The following N4BP2L1 variants were observed in gnomAD, a reference collection of about 807,000 sequenced individuals.
N4BP2L1 encodes NEDD4 binding protein 2 like 1, also known as NEDD4-binding protein 2-like 1.
Under a neutral mutation model 21.2 loss-of-function variants are expected in N4BP2L1, and 12 were observed. The ratio of observed to expected loss-of-function variants is 0.57; its 90% CI spans 0.36 to 0.92. The LOEUF is 0.92. Among genes scored for constraint, N4BP2L1 ranks in the 40% least tolerant of loss-of-function variants. N4BP2L1 has a pLI of 0.01. For synonymous variants in N4BP2L1, 104 were observed against 112.8 expected, an observed-to-expected ratio of 0.92 and a Z score of 0.49; for missense variants, 259 against 310.6, an observed-to-expected ratio of 0.83 and a Z score of 1.25.
At chr13:32,420,761 T>G (rs1426606898) in intron 1 of N4BP2L1, among the ~76,000 whole-genome samples, 2 of 152,312 alleles carry the variant, frequency 1.3e-5, no homozygotes, top group African/African-American at 4.8e-5. Flanking sequence ...TGGCGTAATC[T>G]CGGCTCACTG....
chr13:32,404,381 T>C lies in N4BP2L1; in HGVS notation c.413A>G (p.Tyr138Cys). ...GTCAGGTTCTCGGAATATAACTTCATAGTTATTTTCAAGTGCCTGATTTTT... is the reference window on the plus strand; with the variant it reads ...GTCAGGTTCTCGGAATATAACTTCACAGTTATTTTCAAGTGCCTGATTTTT... ...PYAVMALENN[Y>C]EVIFREPDTR... The change falls in exon 4 of 5, where the codon TAT becomes TGT. Residue 138 changes from tyrosine (Y) to cysteine (C), a missense_variant. Transcript: ENST00000380130. 1.9e-6 allele frequency: 3 copies of C among 1,612,104 alleles called. No individual in the cohort carries two copies. The highest frequency in any genetic ancestry group is 2.5e-6 in the Non-Finnish European group (3 of 1,178,992).
chr13:32,404,199 T>C, intron 4 of N4BP2L1, 122 bp downstream of exon 4: 3 of 1,610,928 alleles, frequency 1.9e-6, no homozygotes, highest in Middle Eastern at 1.7e-4. Context: ...TTTCCAAGAA[T>C]TACCATTTCT....
intron 3 of N4BP2L1, 84 bp from the exon 4 acceptor site, chr13:32,404,481 A>G: frequency 1.1e-6 from 1 of 932,024 alleles, no homozygotes; most frequent in South Asian, 1.5e-5. Flanking sequence ...CATTTACTAC[A>G]AATCTTTTCA....
chr13:32,404,329 C>T lies in N4BP2L1; in HGVS notation c.465G>A (p.Glu155=), dbSNP rs2073340566. The change falls in exon 4 of 5, where the codon GAG becomes GAA. Residue 155 remains glutamate, a synonymous_variant. Coordinates refer to ENST00000380130, the MANE Select transcript of N4BP2L1 (RefSeq NM_052818.3). ...PDTRWKFNVQ[E]LARRNIHGVS... ...GAAAAACAAAGAAGTACCTTGCTAA[C>T]TCTTGAACGTTGAATTTCCAGCGAG... is the stretch of plus-strand genomic sequence containing the variant. The T allele has an allele frequency of 6.2e-7, 1 of 1,613,326 alleles. No homozygotes were observed. The highest frequency in any genetic ancestry group is 1.3e-5 in the African/African-American group (1 of 74,894).
intron 1 of N4BP2L1, among the ~76,000 whole-genome samples, chr13:32,423,223 G>T (rs1369528673): frequency 6.6e-6 from 1 of 152,196 alleles, no homozygotes; most frequent in Non-Finnish European, 1.5e-5. Context: ...ATAATGAAAA[G>T]AAATAATGAA....
intron 1 of N4BP2L1, among the ~76,000 whole-genome samples, chr13:32,423,905 G>A (rs2137986871): frequency 1.3e-5 from 2 of 152,322 alleles, no homozygotes; most frequent in Admixed American, 1.3e-4. Flanking sequence ...TACAATGCCA[G>A]TGGATTGTAT....
chr13:32,428,585 G>A (rs2074920210), upstream of N4BP2L1, among the ~76,000 whole-genome samples: 1 of 152,190 alleles, frequency 6.6e-6, no homozygotes, highest in African/African-American at 2.4e-5. Flanking sequence ...TCTGGCTGGC[G>A]TCCCAAGGGC....
chr13:32,419,239 CTTTTTTTTTTT>C (rs34280009), intron 1 of N4BP2L1, among the ~76,000 whole-genome samples: 1 of 61,304 alleles, frequency 1.6e-5, no homozygotes, highest in Non-Finnish European at 2.8e-5. Context: ...CAAGATCTGG[CTTTTTTTTTTT>C]TTTTTTTTTT....
At chr13:32,422,669 A>G (rs1428000954) in intron 1 of N4BP2L1, among the ~76,000 whole-genome samples, 1 of 152,146 alleles carries the variant, frequency 6.6e-6, no homozygotes, top group Non-Finnish European at 1.5e-5. Flanking sequence ...AGCCTCTCCA[A>G]TGAGCAAGAA....
intron 1 of N4BP2L1, among the ~76,000 whole-genome samples, chr13:32,422,260 CTT>C (rs753632083): frequency 3.9e-5 from 6 of 152,208 alleles, no homozygotes; most frequent in Middle Eastern, 6.8e-3. Flanking sequence ...TTATAAGGCT[CTT>C]GTTTTTTCAT....
rs188214742 is a variant in N4BP2L1, at chr13:32,412,381, C to T, written c.180-4609G>A. Among the ~76,000 whole-genome samples, 318 of 113,958 alleles carry T rather than the reference C, an allele frequency of 2.8e-3. 1 individual carries two copies. Among genetic ancestry groups the T allele is most frequent in the African/African-American group, 8.1e-3 (293 of 36,076 alleles). 74.8% of individuals were successfully genotyped at this position (113,958 alleles called of 152,430 possible). On this transcript the variant is annotated intron_variant, in intron 1 of 4. Transcript: ENST00000380130. ...GTGGCTCACATTTGTAATCCCAGCACTTTGGGAGGCCAAGACGGGCGGATC... is the reference window on the plus strand; with the variant it reads ...GTGGCTCACATTTGTAATCCCAGCATTTTGGGAGGCCAAGACGGGCGGATC...
chr13:32,408,080 C>T (rs1017921439), intron 1 of N4BP2L1, among the ~76,000 whole-genome samples: 6 of 152,180 alleles, frequency 3.9e-5, no homozygotes, highest in Admixed American at 1.3e-4. Context: ...GAAGCTAAGT[C>T]GCAGGCCTGG....
chr13:32,403,349 T>C, intron 4 of N4BP2L1, 149 bp from the exon 5 acceptor site: 1 of 823,910 alleles, frequency 1.2e-6, no homozygotes, highest in Non-Finnish European at 1.9e-6. Context: ...GTTCAGCAGT[T>C]CTCTTTCAGC....
chr13:32,414,671 A>ACCTTTGTT (rs2074032177), intron 1 of N4BP2L1, among the ~76,000 whole-genome samples: 1 of 152,214 alleles, frequency 6.6e-6, no homozygotes, highest in African/African-American at 2.4e-5. Context: ...TAAGCAGTGA[A>ACCTTTGTT]CAAAGAGCTT....
chr13:32,409,059 T>C (rs1282787366), intron 1 of N4BP2L1, among the ~76,000 whole-genome samples: 1 of 152,226 alleles, frequency 6.6e-6, no homozygotes, highest in Non-Finnish European at 1.5e-5. Context: ...AGTAAAATGG[T>C]GTTATAATAA....
In N4BP2L1 at chr13:32,404,964, A is replaced by G. The variant is rs536780829; in HGVS notation, c.397-567T>C. On this transcript the variant is annotated intron_variant, in intron 3 of 4. Transcript: ENST00000380130. ...AAACTATTATAATTTCCTTATAAAC[A>G]TCCAAATATTCTTTGCATTCATAAA... Among the ~76,000 whole-genome samples the G allele has an allele frequency of 1.8e-4, 27 of 152,316 alleles. 1 individual carries two copies. The Middle Eastern group carries it at 0.014, about 77-fold the overall frequency.
At chr13:32,411,671 C>T (rs2073869882) in intron 1 of N4BP2L1, 1 of 985,140 alleles carries the variant, frequency 1.0e-6, no homozygotes, top group East Asian at 1.1e-4. Flanking sequence ...TAACCTTCAC[C>T]TCCCACAACC....
At chr13:32,405,965 C>A (rs528338275) in intron 3 of N4BP2L1, among the ~76,000 whole-genome samples, 48 of 134,272 alleles carry the variant, frequency 3.6e-4, no homozygotes, top group African/African-American at 1.4e-3. Flanking sequence ...TGCAGTGGCA[C>A]GATCTCAGCT....
At chr13:32,416,085 G>C (rs1486855941) in intron 1 of N4BP2L1, 1 of 152,186 alleles carries the variant, frequency 6.6e-6, no homozygotes, top group Non-Finnish European at 1.5e-5. Context: ...AAATGAAGGA[G>C]CATTACATTT....
Sources: gnomAD v4.1 joint callset for allele counts (sites outside exome capture counted in the v4.1 genomes callset) on GRCh38, gnomAD v4.1.1 for gene constraint, MANE v1.5 for transcripts, NCBI Gene and HGNC (gene_info 2026-07-23, HGNC 2026-07-21) for gene names.